Variants in GLDC observed in about 807,000 individuals in gnomAD.
The protein encoded by GLDC is glycine dehydrogenase (decarboxylating), mitochondrial.
A neutral mutation model predicts 121.3 loss-of-function variants in GLDC; 104 were observed. The observed-to-expected ratio is 0.86, with a 90% CI of 0.73 to 1.01. GLDC has a LOEUF of 1.01. Among genes scored for constraint, GLDC ranks in the 50% least tolerant of loss-of-function variants. The pLI, the probability that GLDC is intolerant of heterozygous loss-of-function variation, is 0.00. For missense variants in GLDC, 1,429 were observed against 1,306.6 expected (o/e 1.09, Z -1.44); for synonymous variants, 546 against 480.6 (o/e 1.14, Z -1.78).
intron 15 of GLDC, chr9:6,565,759 G>A (rs1817843510): frequency 3.7e-6 from 2 of 545,298 alleles, no homozygotes; most frequent in Non-Finnish European, 6.5e-6. Flanking sequence ...ATACAGTGAA[G>A]AACAAAAGGA....
intron 2 of GLDC, chr9:6,639,668 A>AAATATATATATATATATATATATATAT: frequency 4.1e-6 from 1 of 244,918 alleles, no homozygotes; most frequent in East Asian, 1.2e-4. Flanking sequence ...ATAAAAAAAA[A>AAATATATATATATATATATATATATAT]GTATATATAT....
In GLDC at chr9:6,595,172, G is replaced by C. The variant is rs970779043; in HGVS notation, c.1156-53C>G. On this transcript the variant is annotated intron_variant, in intron 8 of 24. Coordinates refer to ENST00000321612, the MANE Select transcript of GLDC (RefSeq NM_000170.3). The stretch of plus-strand genomic sequence containing the variant: ...ACGTGATGGAGGACAATTAGTGGGA[G>C]GGTGTAATTACTTGACTTGGGATGT... 1.5e-5 allele frequency: 17 copies of C among 1,149,222 alleles called. No individual in the cohort carries two copies. The South Asian group carries it at 1.8e-4, about 12-fold the overall frequency. 71.2% of individuals were successfully genotyped at this position (1,149,222 alleles called of 1,614,324 possible).
chr9:6,579,338 TA>T (rs2129805474), intron 15 of GLDC, among the ~76,000 whole-genome samples: 1 of 152,310 alleles, frequency 6.6e-6, no homozygotes, highest in African/African-American at 2.4e-5. Context: ...GAATATTAAT[TA>T]ACTCTTCCAT....
chr9:6,541,563 C>T (rs1216562143), intron 21 of GLDC: 2 of 152,080 alleles, frequency 1.3e-5, no homozygotes, highest in Non-Finnish European at 2.9e-5. Context: ...TGGCTCACAC[C>T]TGTAATCCCA....
At chr9:6,550,680 C>T in intron 21 of GLDC, 123 bp downstream of exon 21, 1 of 756,988 alleles carries the variant, frequency 1.3e-6, no homozygotes, top group East Asian at 2.5e-5. Flanking sequence ...GAACTCTACA[C>T]TATTTTCTGA....
chr9:6,593,066 A>G (rs762540638), intron 9 of GLDC, 76 bp from the exon 10 acceptor site: 7 of 1,498,452 alleles, frequency 4.7e-6, no homozygotes, highest in Non-Finnish European at 6.5e-6. Flanking sequence ...ACAGAATAAT[A>G]AAGAGATAAA....
intron 2 of GLDC, among the ~76,000 whole-genome samples, chr9:6,630,416 G>A (rs1327607223): frequency 6.6e-6 from 1 of 152,138 alleles, no homozygotes; most frequent in African/African-American, 2.4e-5. Context: ...CCAGCCAGCA[G>A]CGCCTCACAC....
intron 21 of GLDC, among the ~76,000 whole-genome samples, chr9:6,543,411 C>T (rs1005224881): frequency 6.6e-5 from 10 of 152,064 alleles, no homozygotes; most frequent in Non-Finnish European, 1.3e-4. Flanking sequence ...CTCTTGCTGG[C>T]AGCGCAAGAG....
At chr9:6,644,960 TC>T in intron 1 of GLDC, 1 of 611,144 alleles carries the variant, frequency 1.6e-6, no homozygotes, top group Non-Finnish European at 2.9e-6. Context: ...GTCTTCCTCC[TC>T]TTGCAAAGTT....
intron 8 of GLDC, among the ~76,000 whole-genome samples, chr9:6,601,431 A>G (rs1037590465): frequency 1.3e-5 from 2 of 152,226 alleles, no homozygotes; most frequent in Non-Finnish European, 2.9e-5. Flanking sequence ...TATAAAAGTG[A>G]AGACTGGCCT....
chr9:6,537,793 A>C lies in GLDC; in HGVS notation c.2666-1557T>G, dbSNP rs183900302. On this transcript the variant is annotated intron_variant, in intron 22 of 24. Coordinates refer to ENST00000321612, the MANE Select transcript of GLDC (RefSeq NM_000170.3). ...AGACCTTGTCTCTATTAAAAAAAAA[A>C]CACTAACATCCAGATGAGTTGAAAG... 4.4e-3 allele frequency among the ~76,000 whole-genome samples: 664 copies of C among 152,156 alleles called. 4 individuals carry two copies. The highest frequency in any genetic ancestry group is 0.015 in the African/African-American group (618 of 41,510).
chr9:6,629,958 T>TATATATATATATGTGTATA, intron 2 of GLDC, among the ~76,000 whole-genome samples: 8 of 78,662 alleles, frequency 1.0e-4, no homozygotes, highest in Non-Finnish European at 1.7e-4. Flanking sequence ...TATATATATA[T>TATATATATATATGTGTATA]TTTTTTTTTT....
chr9:6,546,175 A>G (rs967781246), intron 21 of GLDC, among the ~76,000 whole-genome samples: 2 of 151,784 alleles, frequency 1.3e-5, no homozygotes, highest in Admixed American at 1.3e-4. Context: ...AGGATGCTCA[A>G]TATCATTGTC....
At chr9:6,637,418 A>C (rs1025294424) in intron 2 of GLDC, among the ~76,000 whole-genome samples, 3 of 142,352 alleles carry the variant, frequency 2.1e-5, no homozygotes, top group Non-Finnish European at 4.6e-5. Flanking sequence ...AAAAAAAAAA[A>C]GATACTTTAT....
At chr9:6,568,784 G>A (rs978147589) in intron 15 of GLDC, 1 of 152,140 alleles carries the variant, frequency 6.6e-6, no homozygotes, top group Non-Finnish European at 1.5e-5. Context: ...GGGAGGTGGA[G>A]GTTGCAGTGA....
chr9:6,619,878 G>A (rs1819048117), intron 3 of GLDC, among the ~76,000 whole-genome samples: 1 of 152,178 alleles, frequency 6.6e-6, no homozygotes, highest in Admixed American at 6.5e-5. Flanking sequence ...CCACCTGCAG[G>A]TTTCACATCT....
chr9:6,612,645 C>T (rs550218233), intron 3 of GLDC, among the ~76,000 whole-genome samples: 3 of 152,016 alleles, frequency 2.0e-5, no homozygotes, highest in South Asian at 4.2e-4. Context: ...AGGCGGATCA[C>T]GAGGTCAGGA....
chr9:6,586,368 G>A (rs571335823), intron 15 of GLDC, among the ~76,000 whole-genome samples: 61 of 152,284 alleles, frequency 4.0e-4, no homozygotes, highest in African/African-American at 1.4e-3. Context: ...TGATCAGTGC[G>A]TCTGGAGCGG....
At chr9:6,559,555 G>A (rs977702120) in intron 16 of GLDC, among the ~76,000 whole-genome samples, 8 of 144,784 alleles carry the variant, frequency 5.5e-5, no homozygotes, top group East Asian at 2.0e-4. Flanking sequence ...CAACCTGGCC[G>A]GGCATGGTGG....
Sources: allele counts gnomAD v4.1 joint callset (sites outside exome capture counted in the v4.1 genomes callset), GRCh38; gene constraint gnomAD v4.1.1; transcripts MANE v1.5; gene names NCBI Gene and HGNC (gene_info 2026-07-23, HGNC 2026-07-21).